DDAH1: variants seen among roughly 807,000 people sequenced by gnomAD.
DDAH1 encodes N(G),N(G)-dimethylarginine dimethylaminohydrolase 1.
In DDAH1, 19 loss-of-function variants were observed where a neutral mutation model predicts 28.8. The ratio of observed to expected loss-of-function variants is 0.66; its 90% CI spans 0.46 to 0.97. The LOEUF (loss-of-function observed/expected upper bound fraction) is 0.97, where lower values mean the gene tolerates loss of function less well. DDAH1 is among the 50% of genes least tolerant of loss of function. DDAH1 has a pLI of 0.00. For synonymous variants in DDAH1, 153 were observed against 154.4 expected, an observed-to-expected ratio of 0.99 and a Z score of 0.07; for missense variants, 326 against 375.9, an observed-to-expected ratio of 0.87 and a Z score of 1.10.
intron 1 of DDAH1, among the ~76,000 whole-genome samples, chr1:85,561,942 T>C (rs1233824873): frequency 1.3e-5 from 2 of 152,214 alleles, no homozygotes; most frequent in Non-Finnish European, 2.9e-5. Context: ...TTGCAGTTTC[T>C]TTCTAAGAAG....
intron 1 of DDAH1, among the ~76,000 whole-genome samples, chr1:85,412,527 G>T (rs559291799): frequency 4.6e-5 from 7 of 152,220 alleles, no homozygotes; most frequent in Admixed American, 1.3e-4. Flanking sequence ...CTACCAATCG[G>T]TGTAGTATGG....
chr1:85,453,354 C>G (rs1020035335), intron 1 of DDAH1, among the ~76,000 whole-genome samples: 1 of 152,162 alleles, frequency 6.6e-6, no homozygotes, highest in Admixed American at 6.5e-5. Flanking sequence ...GACAACTGCA[C>G]TCCCCATTTT....
intron 1 of DDAH1, among the ~76,000 whole-genome samples, chr1:85,504,791 G>C (rs577454476): frequency 6.6e-6 from 1 of 152,098 alleles, no homozygotes; most frequent in South Asian, 2.1e-4. Flanking sequence ...AAGCTTATAA[G>C]GATGATGGCA....
intron 2 of DDAH1, among the ~76,000 whole-genome samples, chr1:85,489,926 G>T (rs972947790): frequency 4.6e-5 from 7 of 152,070 alleles, no homozygotes; most frequent in African/African-American, 1.7e-4. Context: ...GAGGGAAGAA[G>T]AAAGACAGGA....
intron 1 of DDAH1, among the ~76,000 whole-genome samples, chr1:85,423,724 A>T (rs531316743): frequency 2.8e-4 from 43 of 152,072 alleles, no homozygotes; most frequent in Non-Finnish European, 5.0e-4. Flanking sequence ...TCTTATGGAG[A>T]CAATCATGCA....
At chr1:85,569,197 G>C (rs1659385516) in intron 1 of DDAH1, among the ~76,000 whole-genome samples, 1 of 152,190 alleles carries the variant, frequency 6.6e-6, no homozygotes, top group Non-Finnish European at 1.5e-5. Context: ...AGTTCAATTA[G>C]ATTTTTAAAA....
At chr1:85,538,662 A>G (rs1346658405) in intron 1 of DDAH1, among the ~76,000 whole-genome samples, 3 of 152,226 alleles carry the variant, frequency 2.0e-5, no homozygotes, top group Admixed American at 6.5e-5. Flanking sequence ...CTACTAAAGC[A>G]ACCGCAGAAA....
At chr1:85,442,746 T>C (rs924234215) in intron 1 of DDAH1, among the ~76,000 whole-genome samples, 5 of 152,208 alleles carry the variant, frequency 3.3e-5, no homozygotes, top group Admixed American at 6.5e-5. Flanking sequence ...TGGTATCTCA[T>C]TGTGGTTTTG....
intron 1 of DDAH1, among the ~76,000 whole-genome samples, chr1:85,522,488 C>T (rs1657725890): frequency 1.4e-5 from 2 of 147,616 alleles, no homozygotes; most frequent in Non-Finnish European, 3.0e-5. Flanking sequence ...TGCTAAGCTA[C>T]TGTATGTGGG....
chr1:85,507,153 T>A (rs1048713029), intron 1 of DDAH1, among the ~76,000 whole-genome samples: 1 of 151,870 alleles, frequency 6.6e-6, no homozygotes, highest in East Asian at 1.9e-4. Context: ...TGTGTGTATA[T>A]ATTTTGAAAG....
chr1:85,340,649 A>G, intron 4 of DDAH1, among the ~76,000 whole-genome samples: 1 of 152,294 alleles, frequency 6.6e-6, no homozygotes, highest in South Asian at 2.1e-4. Flanking sequence ...TGTGCTGTGC[A>G]ATGGCATCAG....
intron 1 of DDAH1, among the ~76,000 whole-genome samples, chr1:85,525,323 C>G (rs1451444514): frequency 6.6e-6 from 1 of 152,030 alleles, no homozygotes. Flanking sequence ...TCTACATATT[C>G]TTCTCTCCCT....
chr1:85,458,110 C>T (rs992030359), intron 1 of DDAH1, among the ~76,000 whole-genome samples: 3 of 152,236 alleles, frequency 2.0e-5, no homozygotes, highest in African/African-American at 4.8e-5. Flanking sequence ...GCTGCAAAAG[C>T]AGCTTAAATG....
intron 1 of DDAH1, among the ~76,000 whole-genome samples, chr1:85,559,676 A>G (rs1032472253): frequency 1.3e-5 from 2 of 152,190 alleles, no homozygotes; most frequent in African/African-American, 4.8e-5. Flanking sequence ...GATGAAGAGT[A>G]TAACATCTAA....
intron 3 of DDAH1, 23 bp downstream of exon 3, chr1:85,351,483 G>T (rs745408670): frequency 1.1e-5 from 18 of 1,592,364 alleles, no homozygotes; most frequent in Non-Finnish European, 1.6e-5. Flanking sequence ...CTTTGTGCCA[G>T]GCATAAACTA....
At chr1:85,449,255 T>C (rs1213026846) in intron 1 of DDAH1, among the ~76,000 whole-genome samples, 1 of 152,018 alleles carries the variant, frequency 6.6e-6, no homozygotes. Flanking sequence ...AATGCAGACA[T>C]ATGAGAAGGT....
intron 1 of DDAH1, among the ~76,000 whole-genome samples, chr1:85,508,475 G>C (rs1488835427): frequency 6.6e-6 from 1 of 152,222 alleles, no homozygotes; most frequent in African/African-American, 2.4e-5. Context: ...GGGTTGGACA[G>C]TGGGTACAGC....
chr1:85,415,575 T>G (rs1350383370), intron 1 of DDAH1, among the ~76,000 whole-genome samples: 1 of 152,126 alleles, frequency 6.6e-6, no homozygotes, highest in Non-Finnish European at 1.5e-5. Flanking sequence ...AAATACATCA[T>G]ACAGTAATGT....
intron 1 of DDAH1, among the ~76,000 whole-genome samples, chr1:85,364,046 A>G (rs542368003): frequency 2.6e-5 from 4 of 151,890 alleles, no homozygotes; most frequent in Non-Finnish European, 5.9e-5. Context: ...ATTTGTTGTG[A>G]TGCTCACAAT....
Sources: allele counts gnomAD v4.1 joint callset (sites outside exome capture counted in the v4.1 genomes callset), GRCh38; gene constraint gnomAD v4.1.1; transcripts MANE v1.5; gene names NCBI Gene and HGNC (gene_info 2026-07-23, HGNC 2026-07-21).